The following NPAS3 variants were observed in gnomAD, a reference collection of about 807,000 sequenced individuals.
NPAS3 encodes the protein neuronal PAS domain protein 3.
NPAS3 carries 14 observed loss-of-function variants against 73.1 expected under a neutral mutation model. The ratio of observed to expected loss-of-function variants is 0.19; its 90% CI spans 0.13 to 0.30. NPAS3 has a LOEUF of 0.30. Among genes scored for constraint, NPAS3 ranks in the 10% least tolerant of loss-of-function variants. NPAS3 has a pLI of 1.00. For synonymous variants in NPAS3, 620 were observed against 541.5 expected, an observed-to-expected ratio of 1.14 and a Z score of -2.01; for missense variants, 1,096 against 1,250.0, an observed-to-expected ratio of 0.88 and a Z score of 1.86.
At chr14:33,663,064 T>C (rs776712761) in intron 5 of NPAS3, among the ~76,000 whole-genome samples, 81 of 152,148 alleles carry the variant, frequency 5.3e-4, no homozygotes, top group Non-Finnish European at 9.3e-4. Context: ...TGAATACCCT[T>C]TATTTTTTTT....
intron 2 of NPAS3, among the ~76,000 whole-genome samples, chr14:33,111,116 GC>G (rs1443838894): frequency 6.6e-6 from 1 of 152,186 alleles, no homozygotes; most frequent in Non-Finnish European, 1.5e-5. Context: ...TTCAGCTGCT[GC>G]CCTTGGAAGG....
chr14:33,660,886 A>G (rs2059285678), intron 5 of NPAS3, among the ~76,000 whole-genome samples: 1 of 152,174 alleles, frequency 6.6e-6, no homozygotes, highest in Non-Finnish European at 1.5e-5. Context: ...GTCCTTAATT[A>G]TACACCTAAG....
In NPAS3 at chr14:33,049,489, G is replaced by T. The variant is rs141923968; in HGVS notation, c.51-6416G>T. Among the ~76,000 whole-genome samples the T allele has an allele frequency of 1.4e-3, 213 of 152,284 alleles. 2 individuals carry two copies. The highest frequency in any genetic ancestry group is 5.0e-3 in the African/African-American group (207 of 41,556). On this transcript the variant is annotated intron_variant, in intron 1 of 11. Transcript: ENST00000356141. ...CAAGGAGGAGCAAGTCACATCTTAC[G>T]TGGATGGCGGCAGGCAAAGACGAGG...
chr14:33,408,110 T>C (rs1158509310), intron 4 of NPAS3, among the ~76,000 whole-genome samples: 1 of 152,122 alleles, frequency 6.6e-6, no homozygotes, highest in Non-Finnish European at 1.5e-5. Flanking sequence ...CAGTTTGAAA[T>C]AAAAATGCTA....
chr14:33,423,355 G>A (rs1415858965), intron 4 of NPAS3, among the ~76,000 whole-genome samples: 1 of 151,880 alleles, frequency 6.6e-6, no homozygotes, highest in Admixed American at 6.6e-5. Flanking sequence ...TCACTACAGG[G>A]ACATGTGAGA....
intron 6 of NPAS3, among the ~76,000 whole-genome samples, chr14:33,693,589 T>C (rs1476059710): frequency 6.6e-6 from 1 of 152,120 alleles, no homozygotes; most frequent in East Asian, 1.9e-4. Flanking sequence ...AATCCAGAAG[T>C]CCCATACAAA....
intron 4 of NPAS3, among the ~76,000 whole-genome samples, chr14:33,447,723 G>A (rs2049584419): frequency 6.6e-6 from 1 of 152,090 alleles, no homozygotes; most frequent in South Asian, 2.1e-4. Context: ...AAGCCAGCCT[G>A]GGCAACACAG....
intron 2 of NPAS3, among the ~76,000 whole-genome samples, chr14:33,148,135 G>A (rs1566610922): frequency 6.6e-6 from 1 of 152,024 alleles, no homozygotes; most frequent in Non-Finnish European, 1.5e-5. Flanking sequence ...ACCATAGGGG[G>A]CAATTAATCC....
chr14:33,393,878 C>A (rs906864032), intron 4 of NPAS3, among the ~76,000 whole-genome samples: 9 of 152,114 alleles, frequency 5.9e-5, no homozygotes, highest in African/African-American at 2.2e-4. Context: ...TGAATCTTTG[C>A]GACTATAGTC....
At chr14:33,487,004 GA>G (rs1462011215) in intron 4 of NPAS3, among the ~76,000 whole-genome samples, 1 of 152,106 alleles carries the variant, frequency 6.6e-6, no homozygotes, top group Non-Finnish European at 1.5e-5. Flanking sequence ...TAAATTTGAC[GA>G]GGTGAAGAAA....
intron 5 of NPAS3, among the ~76,000 whole-genome samples, chr14:33,629,466 G>A (rs1407690538): frequency 6.6e-6 from 1 of 152,126 alleles, no homozygotes; most frequent in Non-Finnish European, 1.5e-5. Flanking sequence ...TTTGCATCCT[G>A]GATATCCTTT....
chr14:32,962,577 T>C (rs528358910), intron 1 of NPAS3, among the ~76,000 whole-genome samples: 4 of 141,816 alleles, frequency 2.8e-5, no homozygotes, highest in African/African-American at 5.3e-5. Flanking sequence ...TTCTTTTTTT[T>C]TTTTTTTTTT....
intron 3 of NPAS3, among the ~76,000 whole-genome samples, chr14:33,354,682 C>T (rs536281441): frequency 1.4e-4 from 22 of 152,290 alleles, no homozygotes; most frequent in Non-Finnish European, 2.8e-4. Context: ...TAACACCTCC[C>T]TGCCTTACTC....
At chr14:33,063,890 T>C (rs2041192436) in intron 2 of NPAS3, among the ~76,000 whole-genome samples, 1 of 152,194 alleles carries the variant, frequency 6.6e-6, no homozygotes, top group African/African-American at 2.4e-5. Context: ...AATTAGTATC[T>C]GCAAAATGGA....
upstream of NPAS3, among the ~76,000 whole-genome samples, chr14:32,938,936 G>A (rs2035830329): frequency 6.9e-6 from 1 of 145,440 alleles, no homozygotes. Context: ...CCCGGGCCGC[G>A]GGCGCTCTGC....
At chr14:33,714,146 T>A (rs917696239) in intron 6 of NPAS3, among the ~76,000 whole-genome samples, 4 of 152,040 alleles carry the variant, frequency 2.6e-5, no homozygotes, top group Admixed American at 1.3e-4. Context: ...AATAATAAAA[T>A]TTTTTAAAAA....
Position 33,784,328 on chromosome 14 carries a change from G to A in NPAS3, c.1153+5756G>A, listed in dbSNP as rs1333607034. 3.3e-5 allele frequency among the ~76,000 whole-genome samples: 5 copies of A among 152,148 alleles called. No homozygotes were observed. The East Asian group carries it at 9.6e-4, about 29-fold the overall frequency. On this transcript the variant is annotated intron_variant, in intron 9 of 11. Coordinates refer to ENST00000356141, the Ensembl canonical transcript of NPAS3. ...CAACTAAGGTATGGTGTCCACCTTC[G>A]AGGAGCTTACATACTAATAGAGAAG...
chr14:33,720,018 G>A (rs10498320), intron 6 of NPAS3, among the ~76,000 whole-genome samples: 57,469 of 151,832 alleles, frequency 0.38, 12,946 homozygotes, highest in Non-Finnish European at 0.51. Context: ...TACATTAAGA[G>A]GAACAAATCT....
intron 6 of NPAS3, among the ~76,000 whole-genome samples, chr14:33,698,117 C>G (rs922966907): frequency 3.9e-5 from 6 of 152,154 alleles, no homozygotes; most frequent in African/African-American, 1.4e-4. Flanking sequence ...GACCTGCCCT[C>G]AAGGAGCAAG....
Sources: gnomAD v4.1 joint callset for allele counts (sites outside exome capture counted in the v4.1 genomes callset) on GRCh38, gnomAD v4.1.1 for gene constraint, MANE v1.5 for transcripts, NCBI Gene and HGNC (gene_info 2026-07-23, HGNC 2026-07-21) for gene names.